STRADA: variants seen among roughly 807,000 people sequenced by gnomAD.
STRADA encodes STE20-related kinase adapter protein alpha.
STRADA carries 26 observed loss-of-function variants against 55.0 expected under a neutral mutation model. The ratio of observed to expected loss-of-function variants is 0.47; its 90% CI spans 0.35 to 0.66. The LOEUF is 0.66. Ranked by LOEUF, STRADA falls within the 30% of genes least tolerant of loss-of-function variation. STRADA has a pLI of 0.01. For missense variants in STRADA, 443 were observed against 549.7 expected (o/e 0.81, Z 1.94); for synonymous variants, 197 against 210.9 (o/e 0.93, Z 0.57).
At chr17:63,725,083 T>G (rs1234821828) in intron 3 of STRADA, among the ~76,000 whole-genome samples, 1 of 151,934 alleles carries the variant, frequency 6.6e-6, no homozygotes, top group Non-Finnish European at 1.5e-5. Context: ...AAAAAAAATT[T>G]AGCCGGGCAT....
chr17:63,713,197 G>A (rs2036622386), intron 6 of STRADA, among the ~76,000 whole-genome samples: 1 of 152,020 alleles, frequency 6.6e-6, no homozygotes, highest in Non-Finnish European at 1.5e-5. Context: ...AAAGCCAGAA[G>A]GGAGTGTTTG....
In STRADA at chr17:63,713,248, C is replaced by A. The variant is rs138193628; in HGVS notation, c.348+158G>T. Among the ~76,000 whole-genome samples the A allele has an allele frequency of 2.4e-4, 37 of 152,184 alleles. No individual in the cohort carries two copies. The Middle Eastern group carries it at 0.01, about 42-fold the overall frequency. On this transcript the variant is annotated intron_variant, in intron 6 of 12. Coordinates refer to ENST00000336174, the MANE Select transcript of STRADA (RefSeq NM_001003787.4). ...ATATAAATTAGGCTGAGCAGCATTT[C>A]AGCCCAATCCTTAGTGCCAAATGGC...
intron 6 of STRADA, among the ~76,000 whole-genome samples, chr17:63,711,358 T>C (rs1275393441): frequency 6.6e-6 from 1 of 151,918 alleles, no homozygotes; most frequent in Non-Finnish European, 1.5e-5. Context: ...TGTTTTCTTT[T>C]TTATTTTTTT....
intron 1 of STRADA, among the ~76,000 whole-genome samples, chr17:63,731,690 A>G (rs944600914): frequency 3.3e-5 from 5 of 152,232 alleles, no homozygotes; most frequent in African/African-American, 1.2e-4. Flanking sequence ...AATAGTATTA[A>G]ACACAAAGCA....
intron 10 of STRADA, 164 bp downstream of exon 10, chr17:63,706,471 C>G: frequency 1.6e-6 from 1 of 615,830 alleles, no homozygotes. Context: ...AGGAAGTAAA[C>G]AAAGAGTGAG....
Position 63,703,501 on chromosome 17 carries a change from A to T in STRADA, c.*98T>A, listed in dbSNP as rs2035853030. On this transcript the variant is annotated 3_prime_UTR_variant, in exon 13 of 13. Transcript: ENST00000336174. The stretch of plus-strand genomic sequence containing the variant: ...TCCTGGAAGAATGTCCTTTCTACCC[A>T]ATCTGCCCAGGAGGGCGGGAATGTG... The T allele has an allele frequency of 8.4e-7, 1 of 1,185,404 alleles. No homozygotes were observed. Among genetic ancestry groups the T allele is most frequent in the Non-Finnish European group, 1.2e-6 (1 of 851,900 alleles). The allele number at this position is 1,185,404 out of a possible 1,614,324, so 73.4% of individuals were successfully genotyped here. A position where few individuals can be genotyped will look rare whatever the true frequency, so the allele number is the denominator to read the frequency against.
chr17:63,707,506 C>G (rs904886970), intron 8 of STRADA, 88 bp from the exon 9 acceptor site: 5 of 1,307,098 alleles, frequency 3.8e-6, no homozygotes, highest in Non-Finnish European at 5.5e-6. Flanking sequence ...CTGGCCAGCT[C>G]TCTCCTGTGT....
chr17:63,732,011 C>T (rs577250352), intron 1 of STRADA, among the ~76,000 whole-genome samples: 14 of 152,022 alleles, frequency 9.2e-5, no homozygotes, highest in African/African-American at 2.9e-4. Flanking sequence ...ACTACAGGCG[C>T]CCGCCACCAC....
chr17:63,739,234 A>G lies in STRADA; in HGVS notation c.-45+2507T>C, dbSNP rs1219119175. 2.6e-5 allele frequency among the ~76,000 whole-genome samples: 4 copies of G among 151,928 alleles called. No homozygotes were observed. The East Asian group carries it at 5.8e-4, about 22-fold the overall frequency. On this transcript the variant is annotated intron_variant, in intron 1 of 12. Transcript: ENST00000336174. ...ATTTTTCTTTATAGCCCCCTATACA[A>G]TTATTTTAATAACTGCACACAGGTA... is the stretch of plus-strand genomic sequence containing the variant.
chr17:63,703,242 A>C lies in STRADA; in HGVS notation c.*357T>G. 4.8e-6 allele frequency: 1 copy of C among 207,806 alleles called. No homozygotes were observed. Among genetic ancestry groups the C allele is most frequent in the Non-Finnish European group, 9.9e-6 (1 of 101,480 alleles). 12.9% of individuals were successfully genotyped at this position (207,806 alleles called of 1,614,324 possible). On this transcript the variant is annotated 3_prime_UTR_variant, in exon 13 of 13. Transcript: ENST00000336174. Reference sequence around the variant, plus strand: ...ATGAGGCTGGTCGCAAGCACTGGGAAGAGGTGGCGGTCCTCGGGTTTAAGG... The same window carrying C: ...ATGAGGCTGGTCGCAAGCACTGGGACGAGGTGGCGGTCCTCGGGTTTAAGG...
intron 1 of STRADA, among the ~76,000 whole-genome samples, chr17:63,731,067 C>G (rs903632650): frequency 1.3e-5 from 2 of 151,986 alleles, no homozygotes; most frequent in Non-Finnish European, 2.9e-5. Flanking sequence ...CCTCAGCCTC[C>G]TGAGTAGCTG....
chr17:63,723,269 A>G (rs771631479), intron 4 of STRADA, 29 bp downstream of exon 4: 2 of 1,613,692 alleles, frequency 1.2e-6, no homozygotes, highest in Admixed American at 1.7e-5. Context: ...TGCAACAGCC[A>G]TAGTGCTAGG....
At chr17:63,738,331 A>G (rs2038603429) in intron 1 of STRADA, among the ~76,000 whole-genome samples, 1 of 134,076 alleles carries the variant, frequency 7.5e-6, no homozygotes, top group Non-Finnish European at 1.6e-5. Context: ...ACAGAGCGAG[A>G]CTCCGACTCA....
chr17:63,703,752 C>T lies in STRADA; in HGVS notation c.1144-1G>A, dbSNP rs1568168453. On this transcript the variant is annotated splice_acceptor_variant, in intron 12 of 12. Transcript: ENST00000336174. LOFTEE classifies it high-confidence loss of function. Reference sequence around the variant, plus strand: ...AAGCCTCTGAGGCACGTCGCTTGATCTGGGGGAGAAGAGAGAGGTGGGTGA... The same window carrying T: ...AAGCCTCTGAGGCACGTCGCTTGATTTGGGGGAGAAGAGAGAGGTGGGTGA... The T allele has an allele frequency of 6.2e-7, 1 of 1,613,822 alleles. No homozygotes were observed. The highest frequency in any genetic ancestry group is 8.5e-7 in the Non-Finnish European group (1 of 1,179,814).
At chr17:63,731,582 G>A (rs1271135188) in intron 1 of STRADA, among the ~76,000 whole-genome samples, 3 of 152,026 alleles carry the variant, frequency 2.0e-5, no homozygotes, top group Admixed American at 1.3e-4. Flanking sequence ...TATTCTTATA[G>A]AAGCTCCTTT....
chr17:63,720,788 A>AG (rs2144047826), intron 4 of STRADA, among the ~76,000 whole-genome samples: 1 of 149,368 alleles, frequency 6.7e-6, no homozygotes, highest in East Asian at 2.0e-4. Context: ...AAAAAAAAAA[A>AG]AAGTAAAAAA....
intron 8 of STRADA, among the ~76,000 whole-genome samples, chr17:63,707,694 G>A (rs1017554873): frequency 6.6e-6 from 1 of 151,894 alleles, no homozygotes; most frequent in African/African-American, 2.4e-5. Context: ...CAAGTAGCTG[G>A]GATTACAGGT....
intron 1 of STRADA, among the ~76,000 whole-genome samples, chr17:63,737,785 G>A (rs1351552111): frequency 1.3e-5 from 2 of 152,002 alleles, no homozygotes; most frequent in Non-Finnish European, 2.9e-5. Context: ...AGAGGTGGGT[G>A]GATCACTTGA....
In STRADA at chr17:63,713,428, T is replaced by C. The variant is rs144919702; in HGVS notation, c.326A>G (p.Asn109Ser). The C allele has an allele frequency of 2.5e-5, 41 of 1,613,978 alleles. No homozygotes were observed. Among genetic ancestry groups the C allele is most frequent in the Admixed American group, 1.5e-4 (9 of 60,004 alleles). The change falls in exon 6 of 13, where the codon AAT (asparagine) becomes AGT (serine). Residue 109 changes from asparagine (N) to serine (S), a missense_variant. Physicochemically the swap from Asn to Ser is conservative, Grantham distance 46 (BLOSUM62 1). Transcript: ENST00000336174. Reference protein sequence around the residue: ...VRRINLEACSNEMVTFLQGEL... With the variant: ...VRRINLEACSSEMVTFLQGEL... ...TACCTGCAAGAATGTTACCATCTCA[T>C]TGGAACAAGCTTCTAGGTTAATCCT...
Sources: gnomAD v4.1 joint callset for allele counts (sites outside exome capture counted in the v4.1 genomes callset) on GRCh38, gnomAD v4.1.1 for gene constraint, MANE v1.5 for transcripts, NCBI Gene and HGNC (gene_info 2026-07-23, HGNC 2026-07-21) for gene names.